The following KCNH1 variants were observed in gnomAD, a reference collection of about 807,000 sequenced individuals.
KCNH1 encodes the protein potassium voltage-gated channel subfamily H member 1.
Under a neutral mutation model 69.2 loss-of-function variants are expected in KCNH1, and 27 were observed. The observed-to-expected ratio is 0.39, with a 90% CI of 0.29 to 0.54. The LOEUF (loss-of-function observed/expected upper bound fraction) is 0.54. Ranked by LOEUF, KCNH1 falls within the 20% of genes least tolerant of loss-of-function variation. KCNH1 has a pLI of 0.68. For synonymous variants in KCNH1, 456 were observed against 487.7 expected (o/e 0.93, Z 0.86); for missense variants, 798 against 1,261.6 (o/e 0.63, Z 5.57).
chr1:210,952,557 AGT>A (rs918571694), intron 6 of KCNH1, among the ~76,000 whole-genome samples: 1 of 152,192 alleles, frequency 6.6e-6, no homozygotes, highest in African/African-American at 2.4e-5. Flanking sequence ...TAAAGATTAA[AGT>A]GTGTCATTTC....
At chr1:210,990,889 A>G (rs182442751) in intron 6 of KCNH1, among the ~76,000 whole-genome samples, 1 of 152,316 alleles carries the variant, frequency 6.6e-6, no homozygotes, top group Non-Finnish European at 1.5e-5. Context: ...AAGGCATTAT[A>G]ATACAGAGTT....
chr1:210,741,139 A>G (rs1558449475), intron 10 of KCNH1, among the ~76,000 whole-genome samples: 2 of 152,204 alleles, frequency 1.3e-5, no homozygotes, highest in Admixed American at 6.5e-5. Flanking sequence ...GAATGACTGG[A>G]GTACGTATCA....
intron 10 of KCNH1, among the ~76,000 whole-genome samples, chr1:210,741,735 G>C (rs956409778): frequency 1.3e-5 from 2 of 152,168 alleles, no homozygotes; most frequent in Non-Finnish European, 2.9e-5. Flanking sequence ...CAAGAGACCA[G>C]CCCTGTCTCA....
At chr1:211,034,881 T>A (rs912860268) in intron 5 of KCNH1, among the ~76,000 whole-genome samples, 2 of 152,154 alleles carry the variant, frequency 1.3e-5, no homozygotes, top group African/African-American at 4.8e-5. Context: ...AGCTCCATAG[T>A]TCTTGGTAAC....
At chr1:210,710,371 A>G (rs982977707) in intron 10 of KCNH1, among the ~76,000 whole-genome samples, 1 of 151,906 alleles carries the variant, frequency 6.6e-6, no homozygotes, top group Non-Finnish European at 1.5e-5. Context: ...GTATATGTAG[A>G]TACATACAGG....
chr1:210,960,733 T>C (rs1161939347), intron 6 of KCNH1, among the ~76,000 whole-genome samples: 3 of 152,236 alleles, frequency 2.0e-5, no homozygotes. Flanking sequence ...TACAAGTCTT[T>C]ATATAGTCAC....
At chr1:211,090,535 G>A (rs372871364) in intron 4 of KCNH1, 27 bp downstream of exon 4, 2 of 1,575,034 alleles carry the variant, frequency 1.3e-6, no homozygotes, top group Non-Finnish European at 1.7e-6. Context: ...AGGCATAAAT[G>A]TATTTGTACA....
At chr1:210,910,284 A>AAG (rs1453184612) in intron 7 of KCNH1, among the ~76,000 whole-genome samples, 2 of 149,050 alleles carry the variant, frequency 1.3e-5, no homozygotes, top group Non-Finnish European at 3.0e-5. Context: ...CACCAAAAAA[A>AAG]AAAAAAAAAA....
chr1:210,691,812 C>T (rs1041776654), intron 10 of KCNH1, among the ~76,000 whole-genome samples: 6 of 152,172 alleles, frequency 3.9e-5, no homozygotes, highest in Non-Finnish European at 7.3e-5. Context: ...TAGGGTGAAA[C>T]CCAGACTTTG....
At chr1:211,019,403 A>G in intron 5 of KCNH1, 147 bp from the exon 6 acceptor site, 1 of 599,714 alleles carries the variant, frequency 1.7e-6, no homozygotes, top group Non-Finnish European at 2.9e-6. Context: ...GTATGGGAGA[A>G]TGAAAGTGAA....
intron 5 of KCNH1, among the ~76,000 whole-genome samples, chr1:211,050,989 T>TTTG (rs6143600): frequency 1.9e-4 from 29 of 150,464 alleles, no homozygotes; most frequent in Non-Finnish European, 2.7e-4. Context: ...ATATTTTTGT[T>TTTG]TTGTTGTTGT....
intron 7 of KCNH1, among the ~76,000 whole-genome samples, chr1:210,878,621 A>T (rs1686431652): frequency 6.6e-6 from 1 of 152,128 alleles, no homozygotes; most frequent in African/African-American, 2.4e-5. Flanking sequence ...AATTTGTGGG[A>T]TGCAGCAAAT....
chr1:210,786,025 T>C (rs1684094279), intron 9 of KCNH1, among the ~76,000 whole-genome samples: 1 of 152,208 alleles, frequency 6.6e-6, no homozygotes. Flanking sequence ...GTACCCGTCA[T>C]ACTTATTTTC....
At chr1:211,122,595 G>A (rs1044140627) in intron 1 of KCNH1, among the ~76,000 whole-genome samples, 21 of 152,186 alleles carry the variant, frequency 1.4e-4, no homozygotes, top group African/African-American at 4.6e-4. Context: ...ATCAATGATA[G>A]ACTGGATAAA....
Position 210,967,426 on chromosome 1 carries a change from C to G in KCNH1, c.1033-47357G>C, listed in dbSNP as rs150086609. 5.3e-5 allele frequency among the ~76,000 whole-genome samples: 8 copies of G among 152,234 alleles called. No individual in the cohort carries two copies. In the East Asian group the frequency reaches 1.5e-3, roughly 29 times the overall value. Reference sequence around the variant, plus strand: ...AAAAGTTTGAAAGTTTTGCCTTTCACACTTAAGACAAATGACTTAAGCTTT... The same window carrying G: ...AAAAGTTTGAAAGTTTTGCCTTTCAGACTTAAGACAAATGACTTAAGCTTT... On this transcript the variant is annotated intron_variant, in intron 6 of 10. Coordinates refer to ENST00000271751, the MANE Select transcript of KCNH1 (RefSeq NM_172362.3).
chr1:211,013,487 G>A (rs1299242672), intron 6 of KCNH1, among the ~76,000 whole-genome samples: 1 of 152,158 alleles, frequency 6.6e-6, no homozygotes, highest in African/African-American at 2.4e-5. Context: ...CCATGCCAGG[G>A]AATGATTCAG....
At chr1:210,937,399 A>G (rs1459481148) in intron 6 of KCNH1, among the ~76,000 whole-genome samples, 1 of 152,184 alleles carries the variant, frequency 6.6e-6, no homozygotes, top group Non-Finnish European at 1.5e-5. Context: ...ATGCCAGAAT[A>G]CCTGCTTTTC....
chr1:210,686,121 G>C (rs1041933582), intron 10 of KCNH1, among the ~76,000 whole-genome samples: 7 of 152,262 alleles, frequency 4.6e-5, no homozygotes, highest in African/African-American at 1.7e-4. Flanking sequence ...AGTCTGCCTT[G>C]CAGATCCAAG....
At chr1:210,736,811 A>G (rs565920994) in intron 10 of KCNH1, among the ~76,000 whole-genome samples, 1 of 152,258 alleles carries the variant, frequency 6.6e-6, no homozygotes, top group South Asian at 2.1e-4. Context: ...CCAGATCATC[A>G]AGGCTCTAAT....
Sources: gnomAD v4.1 joint callset for allele counts (sites outside exome capture counted in the v4.1 genomes callset) on GRCh38, gnomAD v4.1.1 for gene constraint, MANE v1.5 for transcripts, NCBI Gene and HGNC (gene_info 2026-07-23, HGNC 2026-07-21) for gene names.